Variants in KDM4B observed in about 807,000 individuals in gnomAD.
KDM4B encodes the protein lysine demethylase 4B, also known as lysine-specific demethylase 4B.
Under a neutral mutation model 125.2 loss-of-function variants are expected in KDM4B, and 32 were observed. The observed-to-expected ratio is 0.26, with a 90% CI of 0.19 to 0.34. The LOEUF is 0.34. Among genes scored for constraint, KDM4B ranks in the 10% least tolerant of loss-of-function variants. The pLI is 1.00. For missense variants in KDM4B, 1,190 were observed against 1,577.7 expected, an observed-to-expected ratio of 0.75 and a Z score of 4.16; for synonymous variants, 721 against 677.9, an observed-to-expected ratio of 1.06 and a Z score of -0.99.
chr19:5,007,432 T>C (rs1337751957), intron 1 of KDM4B, among the ~76,000 whole-genome samples: 1 of 152,240 alleles, frequency 6.6e-6, no homozygotes, highest in East Asian at 1.9e-4. Context: ...TTGTCTTTTG[T>C]TGAGTTGCAA....
At chr19:5,123,502 T>G (rs1413441467) in intron 11 of KDM4B, among the ~76,000 whole-genome samples, 2 of 152,228 alleles carry the variant, frequency 1.3e-5, no homozygotes, top group Non-Finnish European at 2.9e-5. Context: ...TCATTCCGTC[T>G]GCAGTGACGC....
intron 9 of KDM4B, among the ~76,000 whole-genome samples, chr19:5,107,560 G>C (rs955910875): frequency 6.6e-6 from 1 of 152,192 alleles, no homozygotes; most frequent in African/African-American, 2.4e-5. Context: ...CTGTGGTGAG[G>C]CTCCCTCCGG....
intron 1 of KDM4B, among the ~76,000 whole-genome samples, chr19:4,996,928 A>G (rs1270817533): frequency 6.6e-6 from 1 of 151,772 alleles, no homozygotes; most frequent in Non-Finnish European, 1.5e-5. Context: ...GCCTCCACCC[A>G]CTGCATGCCA....
At chr19:5,060,489 C>T (rs962120677) in intron 6 of KDM4B, among the ~76,000 whole-genome samples, 3 of 145,674 alleles carry the variant, frequency 2.1e-5, no homozygotes, top group Non-Finnish European at 3.0e-5. Flanking sequence ...TCTCCAGCTG[C>T]AGTCCCTGTC....
intron 18 of KDM4B, among the ~76,000 whole-genome samples, chr19:5,139,322 A>G (rs1402741489): frequency 6.6e-6 from 1 of 152,046 alleles, no homozygotes; most frequent in Non-Finnish European, 1.5e-5. Context: ...TGGATGGACG[A>G]CGTTGTGTTG....
rs1326104964 is a variant in KDM4B, at chr19:5,081,843, T to A, written c.781-524T>A. ...CTTTCTCATGCGAGGGCAGAAGGTGTCCTGAGCGCGTGCAGTGTCTTGTCT... is the reference window on the plus strand; with the variant it reads ...CTTTCTCATGCGAGGGCAGAAGGTGACCTGAGCGCGTGCAGTGTCTTGTCT... On this transcript the variant is annotated intron_variant, in intron 8 of 22. Coordinates refer to ENST00000159111, the MANE Select transcript of KDM4B (RefSeq NM_015015.3). This position sits in a 1 kb window ranked among gnomAD's most constrained non-coding sequence, Gnocchi z 4.2. Among the ~76,000 whole-genome samples, 1 of 152,106 alleles carries A rather than the reference T, an allele frequency of 6.6e-6. No homozygotes were observed. The highest frequency in any genetic ancestry group is 1.5e-5 in the Non-Finnish European group (1 of 67,994).
chr19:5,037,532 GC>G (rs1387572242), intron 3 of KDM4B, among the ~76,000 whole-genome samples: 14 of 152,324 alleles, frequency 9.2e-5, no homozygotes, highest in African/African-American at 3.4e-4. Context: ...TTGCACTGTG[GC>G]CATAGTGGAC....
intron 9 of KDM4B, among the ~76,000 whole-genome samples, chr19:5,097,583 G>T (rs1176653971): frequency 6.6e-6 from 1 of 152,204 alleles, no homozygotes; most frequent in African/African-American, 2.4e-5. Flanking sequence ...TGCTCCTTCG[G>T]TCCTGATGGG....
intron 9 of KDM4B, among the ~76,000 whole-genome samples, chr19:5,109,781 C>T (rs929536279): frequency 2.0e-5 from 3 of 152,332 alleles, no homozygotes; most frequent in East Asian, 3.9e-4. Flanking sequence ...CCGTCGCCCT[C>T]GTGAGGCCTC....
At chr19:5,104,239 C>T (rs1599193082) in intron 9 of KDM4B, among the ~76,000 whole-genome samples, 1 of 152,314 alleles carries the variant, frequency 6.6e-6, no homozygotes, top group African/African-American at 2.4e-5. Flanking sequence ...GCACCTGCCC[C>T]TTTCTGCTCC....
At chr19:5,060,510 C>A (rs1413964957) in intron 6 of KDM4B, among the ~76,000 whole-genome samples, 1 of 148,014 alleles carries the variant, frequency 6.8e-6, no homozygotes, top group African/African-American at 2.5e-5. Flanking sequence ...TCTTCAGACC[C>A]TCTGTGCTCT....
chr19:5,061,896 A>G (rs1026457172), intron 6 of KDM4B, among the ~76,000 whole-genome samples: 1 of 152,012 alleles, frequency 6.6e-6, no homozygotes, highest in African/African-American at 2.4e-5. Context: ...GAAATAGGGT[A>G]GCTTTCCATC....
At chr19:5,059,456 G>C (rs773220467) in intron 6 of KDM4B, among the ~76,000 whole-genome samples, 3 of 152,210 alleles carry the variant, frequency 2.0e-5, no homozygotes, top group African/African-American at 7.2e-5. Flanking sequence ...GACTTAACCC[G>C]TGTGTGAGCC....
At position 4,987,792 on chromosome 19, in the gene KDM4B, T is replaced by G. The variant is rs914537396; in HGVS notation, c.-109+18562T>G. Reference sequence around the variant, plus strand: ...GAAAGCAGGGGACCTGTCGGGAAACTCCAGGCGTCGCCCAGGTGATTCATG... The same window carrying G: ...GAAAGCAGGGGACCTGTCGGGAAACGCCAGGCGTCGCCCAGGTGATTCATG... On this transcript the variant is annotated intron_variant, in intron 1 of 22. Coordinates refer to ENST00000159111, the MANE Select transcript of KDM4B (RefSeq NM_015015.3). Among the ~76,000 whole-genome samples the G allele has an allele frequency of 4.9e-4, 75 of 152,170 alleles. 1 individual carries two copies. The highest frequency in any genetic ancestry group is 1.3e-4 in the Non-Finnish European group (9 of 68,018).
intron 6 of KDM4B, among the ~76,000 whole-genome samples, chr19:5,050,563 C>T (rs1156827185): frequency 3.9e-5 from 6 of 152,186 alleles, no homozygotes; most frequent in Non-Finnish European, 8.8e-5. Flanking sequence ...AGGCTGTGCC[C>T]CATAGAAGCC....
chr19:5,084,513 A>AAT (rs1368017121), intron 9 of KDM4B, among the ~76,000 whole-genome samples: 1 of 66,072 alleles, frequency 1.5e-5, no homozygotes, highest in Non-Finnish European at 2.8e-5. Flanking sequence ...ATTATATATA[A>AAT]ATATAAATTA....
intron 9 of KDM4B, among the ~76,000 whole-genome samples, chr19:5,107,784 C>T (rs2039063727): frequency 6.6e-6 from 1 of 152,214 alleles, no homozygotes; most frequent in Admixed American, 6.5e-5. Context: ...GGTTTCTCTC[C>T]CACACTGTGG....
At chr19:5,043,307 G>C (rs1388441034) in intron 5 of KDM4B, among the ~76,000 whole-genome samples, 1 of 140,378 alleles carries the variant, frequency 7.1e-6, no homozygotes, top group Admixed American at 7.3e-5. Flanking sequence ...CCCGTGCTGT[G>C]TTTATCGGAG....
chr19:4,970,259 G>A (rs900926706), intron 1 of KDM4B, among the ~76,000 whole-genome samples: 1 of 152,234 alleles, frequency 6.6e-6, no homozygotes, highest in East Asian at 1.9e-4. Flanking sequence ...CATCCCATCT[G>A]TTTGCTTGGG....
Sources: gnomAD v4.1 joint callset for allele counts (sites outside exome capture counted in the v4.1 genomes callset) on GRCh38, gnomAD v4.1.1 for gene constraint, Gnocchi (gnomAD v3.1) non-coding constraint, MANE v1.5 for transcripts, NCBI Gene and HGNC (gene_info 2026-07-23, HGNC 2026-07-21) for gene names.